FHIT: variants seen among roughly 807,000 people sequenced by gnomAD.
FHIT encodes fragile histidine triad diadenosine triphosphatase.
A neutral mutation model predicts 17.9 loss-of-function variants in FHIT; 19 were observed. That is an observed-to-expected ratio of 1.06 (90% CI 0.74 to 1.56). The LOEUF is 1.56. Ranked by LOEUF, FHIT falls within the 40% of genes most tolerant of loss-of-function variation. FHIT has a pLI of 0.00. For synonymous variants in FHIT, 81 were observed against 69.7 expected (o/e 1.16, Z -0.81); for missense variants, 248 against 189.2 (o/e 1.31, Z -1.82).
intron 2 of FHIT, among the ~76,000 whole-genome samples, chr3:61,082,585 G>C (rs2035174626): frequency 6.6e-6 from 1 of 152,080 alleles, no homozygotes; most frequent in Non-Finnish European, 1.5e-5. Flanking sequence ...AAAGGTCACA[G>C]GGCCTACAAT....
At chr3:59,831,472 G>A (rs907067871) in intron 8 of FHIT, among the ~76,000 whole-genome samples, 1 of 152,102 alleles carries the variant, frequency 6.6e-6, no homozygotes, top group Non-Finnish European at 1.5e-5. Flanking sequence ...AAGTAATAAA[G>A]CTGAAATAGA....
chr3:60,350,061 A>C (rs1711007865), intron 5 of FHIT, among the ~76,000 whole-genome samples: 2 of 152,218 alleles, frequency 1.3e-5, no homozygotes, highest in African/African-American at 4.8e-5. Context: ...AAATGCTGTA[A>C]GTAATGACTA....
Position 60,420,873 on chromosome 3 carries a change from T to C in FHIT, c.103+115987A>G, listed in dbSNP as rs553556123. Among the ~76,000 whole-genome samples the C allele has an allele frequency of 1.1e-4, 16 of 152,276 alleles. No individual in the cohort carries two copies. In the South Asian group the frequency reaches 3.3e-3, roughly 32 times the overall value. ...GAAAATACATGCTTTCATACATCTT[T>C]GTTTCTGGCTTGCCTTCCATCTCTC... On this transcript the variant is annotated intron_variant, in intron 5 of 9. Coordinates refer to ENST00000492590, the MANE Select transcript of FHIT (RefSeq NM_002012.4).
chr3:60,843,617 C>T (rs2106876989), intron 3 of FHIT, among the ~76,000 whole-genome samples: 1 of 152,316 alleles, frequency 6.6e-6, no homozygotes, highest in South Asian at 2.1e-4. Context: ...ACAGCAGGGA[C>T]ACCTGGATAA....
chr3:60,307,355 AAATGTCTGT>A (rs1195397479), intron 5 of FHIT, among the ~76,000 whole-genome samples: 7 of 152,208 alleles, frequency 4.6e-5, no homozygotes, highest in Admixed American at 4.6e-4. Flanking sequence ...AGATTCAAAG[AAATGTCTGT>A]AATACTTCAT....
chr3:60,496,659 C>T (rs2034312351), intron 5 of FHIT, among the ~76,000 whole-genome samples: 1 of 152,096 alleles, frequency 6.6e-6, no homozygotes, highest in South Asian at 2.1e-4. Context: ...GAGAGACTCA[C>T]CAGTACACTA....
At chr3:61,022,246 G>T (rs939503859) in intron 3 of FHIT, among the ~76,000 whole-genome samples, 1 of 152,102 alleles carries the variant, frequency 6.6e-6, no homozygotes, top group Non-Finnish European at 1.5e-5. Flanking sequence ...AAATATAGAA[G>T]AAATGGATAA....
At chr3:59,988,312 C>A (rs557544280) in intron 7 of FHIT, among the ~76,000 whole-genome samples, 1 of 152,236 alleles carries the variant, frequency 6.6e-6, no homozygotes, top group South Asian at 2.1e-4. Flanking sequence ...TCGTGACTTA[C>A]TCTCGCATCT....
At chr3:60,303,322 T>A (rs993912276) in intron 5 of FHIT, among the ~76,000 whole-genome samples, 3 of 152,188 alleles carry the variant, frequency 2.0e-5, no homozygotes, top group African/African-American at 7.2e-5. Flanking sequence ...GTGTTTTCGT[T>A]CTCAGATAAG....
chr3:61,216,098 C>T (rs2039666410), intron 1 of FHIT, among the ~76,000 whole-genome samples: 2 of 152,094 alleles, frequency 1.3e-5, no homozygotes, highest in Non-Finnish European at 2.9e-5. Context: ...GACTTCATGT[C>T]TAAAACACCA....
chr3:60,523,324 G>T (rs2035445674), intron 5 of FHIT, among the ~76,000 whole-genome samples: 1 of 151,870 alleles, frequency 6.6e-6, no homozygotes, highest in Non-Finnish European at 1.5e-5. Flanking sequence ...TTTGTAGTTT[G>T]CTTTTTTTTA....
intron 3 of FHIT, among the ~76,000 whole-genome samples, chr3:61,026,653 T>C (rs2032748232): frequency 6.6e-6 from 1 of 151,944 alleles, no homozygotes; most frequent in Non-Finnish European, 1.5e-5. Flanking sequence ...GAGACCTTTT[T>C]TTTGCAATTT....
intron 8 of FHIT, among the ~76,000 whole-genome samples, chr3:59,901,380 A>G (rs294452): frequency 0.98 from 149,521 of 152,278 alleles, 73,454 homozygotes; most frequent in East Asian, 1. Flanking sequence ...GAGAGGTATC[A>G]TGAGGATTAC....
At chr3:60,744,883 T>C (rs1413276759) in intron 4 of FHIT, among the ~76,000 whole-genome samples, 2 of 152,198 alleles carry the variant, frequency 1.3e-5, no homozygotes, top group Admixed American at 1.3e-4. Context: ...AGGTACCTTT[T>C]AAGCACCAAG....
intron 8 of FHIT, among the ~76,000 whole-genome samples, chr3:59,831,457 C>CAAAG (rs1251050509): frequency 6.6e-6 from 1 of 152,058 alleles, no homozygotes; most frequent in African/African-American, 2.4e-5. Context: ...GAAGCTTGAT[C>CAAAG]AAAGAAGTAA....
intron 2 of FHIT, among the ~76,000 whole-genome samples, chr3:61,076,743 C>A (rs972660075): frequency 1.3e-5 from 2 of 152,058 alleles, no homozygotes; most frequent in African/African-American, 4.8e-5. Context: ...AGTGATTTAT[C>A]CAAGACCACA....
At chr3:60,567,496 A>C (rs1420920169) in intron 4 of FHIT, among the ~76,000 whole-genome samples, 1 of 152,244 alleles carries the variant, frequency 6.6e-6, no homozygotes, top group Admixed American at 6.5e-5. Flanking sequence ...CTAAAACCAT[A>C]AAAACCCTAG....
chr3:60,219,658 T>G (rs1462448440), intron 5 of FHIT, among the ~76,000 whole-genome samples: 1 of 152,164 alleles, frequency 6.6e-6, no homozygotes, highest in Admixed American at 6.6e-5. Context: ...TCAGTGATAC[T>G]TCCCTGTCCC....
In FHIT at chr3:61,084,552, T is replaced by C. The variant is rs546015858; in HGVS notation, c.-163-42453A>G. ...ATATATTAGGTCATCTTTAATTTCT[T>C]TCAGTAATATTCTGTACCTTTCTCT... On this transcript the variant is annotated intron_variant, in intron 2 of 9. Coordinates refer to ENST00000492590, the MANE Select transcript of FHIT (RefSeq NM_002012.4). 1.9e-4 allele frequency among the ~76,000 whole-genome samples: 29 copies of C among 152,346 alleles called. 1 individual carries two copies. The highest frequency in any genetic ancestry group is 6.7e-4 in the African/African-American group (28 of 41,598).
Sources: allele counts gnomAD v4.1 joint callset (sites outside exome capture counted in the v4.1 genomes callset), GRCh38; gene constraint gnomAD v4.1.1; transcripts MANE v1.5; gene names NCBI Gene and HGNC (gene_info 2026-07-23, HGNC 2026-07-21).